The following CDCA7L variants were observed in gnomAD, a reference collection of about 807,000 sequenced individuals.
CDCA7L encodes the protein cell division cycle associated 7 like.
In CDCA7L, 44 loss-of-function variants were observed where a neutral mutation model predicts 57.4. That is an observed-to-expected ratio of 0.77 (90% CI 0.60 to 0.98). The LOEUF is 0.98. CDCA7L is among the 50% of genes least tolerant of loss of function. The pLI is 0.00. For synonymous variants in CDCA7L, 236 were observed against 202.8 expected, an observed-to-expected ratio of 1.16 and a Z score of -1.39; for missense variants, 644 against 580.6, an observed-to-expected ratio of 1.11 and a Z score of -1.12.
Position 21,945,874 on chromosome 7 carries a change from GCAC to G in CDCA7L, c.-73_-71del. On this transcript the variant is annotated 5_prime_UTR_variant, in exon 1 of 10. Transcript: ENST00000406877. ...GAGCCCGGACTCACCACGGCCCGGC[GCAC>G]CAAGAACGCCCCGCGCCCGAGCAGC... is the stretch of plus-strand genomic sequence containing the variant. 5.3e-6 allele frequency: 8 copies of G among 1,520,810 alleles called. No homozygotes were observed. The highest frequency in any genetic ancestry group is 7.1e-6 in the Non-Finnish European group (8 of 1,131,430). 94.2% of individuals were successfully genotyped at this position (1,520,810 alleles called of 1,614,324 possible).
At position 21,919,542 on chromosome 7, in the gene CDCA7L, A is replaced by C. The variant is rs557063616; in HGVS notation, c.25-2648T>G. Among the ~76,000 whole-genome samples, 34 of 152,248 alleles carry C rather than the reference A, an allele frequency of 2.2e-4. No homozygotes were observed. In the South Asian group the frequency reaches 6.8e-3, roughly 31 times the overall value. On this transcript the variant is annotated intron_variant, in intron 1 of 9. Coordinates refer to ENST00000406877, the MANE Select transcript of CDCA7L (RefSeq NM_018719.5). ...GAACACAATGCATCTCGGTTAATTA[A>C]GTATCACTGCTTGTAGGCTCTTTGG...
intron 1 of CDCA7L, among the ~76,000 whole-genome samples, chr7:21,921,169 T>G (rs151189035): frequency 6.6e-6 from 1 of 152,098 alleles, no homozygotes; most frequent in African/African-American, 2.4e-5. Context: ...TTCTGCATCT[T>G]TGACTTCTGC....
At chr7:21,928,446 G>T (rs1272483683) in intron 1 of CDCA7L, among the ~76,000 whole-genome samples, 1 of 152,060 alleles carries the variant, frequency 6.6e-6, no homozygotes, top group Non-Finnish European at 1.5e-5. Flanking sequence ...AAACTGGATG[G>T]AGAATGAGTT....
At position 21,944,449 on chromosome 7, in the gene CDCA7L, C is replaced by CAAAAAA. The variant is rs59373889; in HGVS notation, c.24+1326_24+1331dup. Among the ~76,000 whole-genome samples, 495 of 61,566 alleles carry CAAAAAA rather than the reference C, an allele frequency of 8.0e-3. 45 individuals carry two copies. Among genetic ancestry groups the CAAAAAA allele is most frequent in the East Asian group, 0.041 (63 of 1,532 alleles). The allele number at this position is 61,566 out of a possible 152,430, so 40.4% of individuals were successfully genotyped here. On this transcript the variant is annotated intron_variant, in intron 1 of 9. Coordinates refer to ENST00000406877, the MANE Select transcript of CDCA7L (RefSeq NM_018719.5). ...CCGGACAAGAGCGAAACTCCGTCTC[C>CAAAAAA]AAAAAAAAAAAAAAAAAAAAAAGGA...
chr7:21,933,967 G>A (rs1786091098), intron 1 of CDCA7L, among the ~76,000 whole-genome samples: 1 of 150,574 alleles, frequency 6.6e-6, no homozygotes, highest in South Asian at 2.1e-4. Context: ...TCAAAAATGA[G>A]ATAAAAATTA....
chr7:21,937,097 C>CTTT (rs1786191415), intron 1 of CDCA7L, among the ~76,000 whole-genome samples: 2 of 151,790 alleles, frequency 1.3e-5, no homozygotes, highest in Admixed American at 1.3e-4. Context: ...ACCAAAAAGG[C>CTTT]GAAAAAAGCC....
At chr7:21,938,671 AT>A (rs1230012620) in intron 1 of CDCA7L, among the ~76,000 whole-genome samples, 1 of 152,198 alleles carries the variant, frequency 6.6e-6, no homozygotes, top group African/African-American at 2.4e-5. Flanking sequence ...AGATGAGTAA[AT>A]AAAGATGGTA....
chr7:21,928,531 A>C (rs1785895293), intron 1 of CDCA7L, among the ~76,000 whole-genome samples: 1 of 152,124 alleles, frequency 6.6e-6, no homozygotes, highest in African/African-American at 2.4e-5. Context: ...GTTCTAACTC[A>C]ATACAAGGAA....
At chr7:21,944,968 T>C (rs1016388084) in intron 1 of CDCA7L, 2 of 152,228 alleles carry the variant, frequency 1.3e-5, no homozygotes, top group Non-Finnish European at 2.9e-5. Flanking sequence ...AGGTTGTATT[T>C]TTAGTTCTTA....
chr7:21,916,828 C>T lies in CDCA7L; in HGVS notation c.91G>A (p.Asp31Asn), dbSNP rs751412582. The T allele has an allele frequency of 1.2e-5, 19 of 1,613,976 alleles. No individual in the cohort carries two copies. The highest frequency in any genetic ancestry group is 1.4e-5 in the Non-Finnish European group (17 of 1,179,984). ...SDDEEFVGFR[D>N]DVPMETLSSE... ...GAGAGGGTTTCCATGGGAACATCAT[C>T]TCGGAAGCCAACAAACTCTTCATCA... The change falls in exon 2 of 10, where the codon GAT becomes AAT. Residue 31 changes from aspartate (D) to asparagine (N), a missense_variant. By Grantham distance (23) the Asp-to-Asn change is conservative. Coordinates refer to ENST00000406877, the MANE Select transcript of CDCA7L (RefSeq NM_018719.5).
chr7:21,940,583 G>T (rs1439552861), intron 1 of CDCA7L, among the ~76,000 whole-genome samples: 1 of 152,212 alleles, frequency 6.6e-6, no homozygotes, highest in Non-Finnish European at 1.5e-5. Flanking sequence ...AGGTACTCCA[G>T]AAGTTCCCAG....
At chr7:21,935,598 G>A (rs200356295) in intron 1 of CDCA7L, among the ~76,000 whole-genome samples, 3 of 150,168 alleles carry the variant, frequency 2.0e-5, no homozygotes, top group Non-Finnish European at 1.5e-5. Context: ...TTTATTCTTT[G>A]AAAAAAAAAA....
intron 2 of CDCA7L, among the ~76,000 whole-genome samples, chr7:21,916,082 C>T (rs780409603): frequency 6.6e-6 from 1 of 152,118 alleles, no homozygotes; most frequent in African/African-American, 2.4e-5. Flanking sequence ...CTGGACTTGC[C>T]CAGTGGAAGC....
chr7:21,905,363 C>G, intron 7 of CDCA7L, 143 bp downstream of exon 7: 2 of 857,126 alleles, frequency 2.3e-6, no homozygotes, highest in Non-Finnish European at 3.6e-6. Context: ...CCAGGTACAG[C>G]TGACTTTTGA....
intron 4 of CDCA7L, among the ~76,000 whole-genome samples, chr7:21,907,779 C>T (rs980078120): frequency 6.6e-6 from 1 of 152,166 alleles, no homozygotes; most frequent in African/African-American, 2.4e-5. Flanking sequence ...GGTGACATCC[C>T]ACTTCCCCTG....
intron 9 of CDCA7L, 25 bp downstream of exon 9, chr7:21,902,953 T>G (rs370336497): frequency 4.4e-6 from 7 of 1,607,526 alleles, no homozygotes; most frequent in South Asian, 1.1e-5. Context: ...CAAGCTGTTT[T>G]GTAAGCTGCT....
At chr7:21,937,334 A>T (rs918624013) in intron 1 of CDCA7L, among the ~76,000 whole-genome samples, 1 of 152,124 alleles carries the variant, frequency 6.6e-6, no homozygotes, top group African/African-American at 2.4e-5. Flanking sequence ...AGCCAAAACA[A>T]TCTTAAAAAA....
rs1330104653 is a variant in CDCA7L, at chr7:21,901,032, A to T, written c.*1290T>A. 1 of 1,610,068 alleles carries T rather than the reference A, an allele frequency of 6.2e-7. No individual in the cohort carries two copies. Among genetic ancestry groups the T allele is most frequent in the East Asian group, 2.2e-5 (1 of 44,808 alleles). ...GCGCCCGCTGGGACACCCAAGCAGG[A>T]ACCATTGTTGAAGCCCGTCTCAAGG... is the stretch of plus-strand genomic sequence containing the variant. On this transcript the variant is annotated 3_prime_UTR_variant, in exon 10 of 10. Transcript: ENST00000406877.
chr7:21,912,474 C>T (rs541194163), intron 2 of CDCA7L, among the ~76,000 whole-genome samples: 7 of 152,288 alleles, frequency 4.6e-5, no homozygotes, highest in African/African-American at 1.2e-4. Flanking sequence ...CAACCAGACA[C>T]GTCTGCTTTC....
Sources: gnomAD v4.1 joint callset for allele counts (sites outside exome capture counted in the v4.1 genomes callset) on GRCh38, gnomAD v4.1.1 for gene constraint, MANE v1.5 for transcripts, NCBI Gene and HGNC (gene_info 2026-07-23, HGNC 2026-07-21) for gene names.